Variants in PDE4B observed in about 807,000 individuals in gnomAD.
PDE4B encodes the protein phosphodiesterase 4B, also known as 3',5'-cyclic-AMP phosphodiesterase 4B.
PDE4B carries 20 observed loss-of-function variants against 82.2 expected under a neutral mutation model. The observed-to-expected ratio is 0.24, with a 90% CI of 0.17 to 0.35. The LOEUF (loss-of-function observed/expected upper bound fraction) is 0.35. Among genes scored for constraint, PDE4B ranks in the 10% least tolerant of loss-of-function variants. The pLI is 1.00. For missense variants in PDE4B, 655 were observed against 907.2 expected, an observed-to-expected ratio of 0.72 and a Z score of 3.57; for synonymous variants, 320 against 318.9, an observed-to-expected ratio of 1.00 and a Z score of -0.04.
intron 3 of PDE4B, among the ~76,000 whole-genome samples, chr1:66,237,963 GA>G (rs199751644): frequency 2.6e-5 from 4 of 151,580 alleles, no homozygotes; most frequent in East Asian, 1.9e-4. Context: ...AATAAAAGGG[GA>G]AAAAAAAGAC....
chr1:66,362,140 C>T (rs1337886082), intron 10 of PDE4B, among the ~76,000 whole-genome samples: 1 of 152,054 alleles, frequency 6.6e-6, no homozygotes, highest in Non-Finnish European at 1.5e-5. Flanking sequence ...ATGGACAGTT[C>T]ATTATGAATG....
At chr1:65,801,678 ACT>A (rs2101164404) in intron 1 of PDE4B, among the ~76,000 whole-genome samples, 1 of 152,138 alleles carries the variant, frequency 6.6e-6, no homozygotes, top group Admixed American at 6.5e-5. Context: ...TATTAAGAAA[ACT>A]CTTTCTGTGA....
rs534586206 is a variant in PDE4B at position 66,240,298 on chromosome 1, T to A, written c.282-7162T>A. Reference sequence around the variant, plus strand: ...GTTTATTCATCAGACGTGATAGGCATGGCCCTTAGCACTGGGGTTAAAAAT... The same window carrying A: ...GTTTATTCATCAGACGTGATAGGCAAGGCCCTTAGCACTGGGGTTAAAAAT... On this transcript the variant is annotated intron_variant, in intron 3 of 16. Coordinates refer to ENST00000341517, the MANE Select transcript of PDE4B (RefSeq NM_002600.4). Among the ~76,000 whole-genome samples, 6 of 152,368 alleles carry A rather than the reference T, an allele frequency of 3.9e-5. No individual in the cohort carries two copies. The South Asian group carries it at 1.0e-3, about 26-fold the overall frequency.
intron 3 of PDE4B, among the ~76,000 whole-genome samples, chr1:66,019,543 A>T (rs1338332440): frequency 6.6e-6 from 1 of 151,944 alleles, no homozygotes; most frequent in Non-Finnish European, 1.5e-5. Flanking sequence ...TTTAGCAAAG[A>T]CAGGGTTTCA....
At chr1:65,990,846 T>C (rs1651203647) in intron 3 of PDE4B, among the ~76,000 whole-genome samples, 1 of 152,206 alleles carries the variant, frequency 6.6e-6, no homozygotes, top group Admixed American at 6.5e-5. Context: ...AGTGCAAATC[T>C]AAAATTCTAT....
intron 1 of PDE4B, among the ~76,000 whole-genome samples, chr1:65,898,570 A>G (rs916447429): frequency 1.1e-4 from 16 of 152,282 alleles, no homozygotes; most frequent in Admixed American, 3.9e-4. Context: ...AAACTATACT[A>G]TAAGGCCATA....
At chr1:66,191,181 G>A (rs1394510219) in intron 3 of PDE4B, among the ~76,000 whole-genome samples, 2 of 152,060 alleles carry the variant, frequency 1.3e-5, no homozygotes, top group Non-Finnish European at 2.9e-5. Context: ...ATGAAAAATG[G>A]TATGTATTGT....
At chr1:66,071,330 A>G (rs1478050964) in intron 3 of PDE4B, among the ~76,000 whole-genome samples, 1 of 152,120 alleles carries the variant, frequency 6.6e-6, no homozygotes, top group Non-Finnish European at 1.5e-5. Context: ...ATAATTATAT[A>G]AAGATTAGAT....
At chr1:65,995,668 A>T (rs558578343) in intron 3 of PDE4B, among the ~76,000 whole-genome samples, 2 of 152,280 alleles carry the variant, frequency 1.3e-5, no homozygotes, top group East Asian at 3.9e-4. Context: ...TAAGTACTTT[A>T]TTTTTGCCTC....
chr1:66,202,784 G>A (rs1283160585), intron 3 of PDE4B, among the ~76,000 whole-genome samples: 1 of 152,014 alleles, frequency 6.6e-6, no homozygotes, highest in African/African-American at 2.4e-5. Flanking sequence ...ACACTGATGG[G>A]TCTTGACTCT....
chr1:66,138,960 C>T (rs538659435), intron 3 of PDE4B, among the ~76,000 whole-genome samples: 1 of 152,252 alleles, frequency 6.6e-6, no homozygotes, highest in Admixed American at 6.5e-5. Flanking sequence ...AGCTCTTTGA[C>T]CACCATAAAA....
chr1:66,095,946 A>G (rs563664756), intron 3 of PDE4B, among the ~76,000 whole-genome samples: 60 of 152,006 alleles, frequency 3.9e-4, no homozygotes, highest in African/African-American at 1.2e-3. Flanking sequence ...TGATATTTCA[A>G]TACATATAAT....
intron 1 of PDE4B, among the ~76,000 whole-genome samples, chr1:65,886,110 G>A (rs1045279595): frequency 2.0e-5 from 3 of 151,130 alleles, no homozygotes; most frequent in East Asian, 1.9e-4. Context: ...ATTTTGAAAT[G>A]ACATTTGTAT....
At chr1:66,153,559 G>A (rs866576472) in intron 3 of PDE4B, among the ~76,000 whole-genome samples, 15 of 152,102 alleles carry the variant, frequency 9.9e-5, no homozygotes, top group African/African-American at 3.4e-4. Context: ...CATTCATATG[G>A]CAATCTTTAT....
intron 7 of PDE4B, among the ~76,000 whole-genome samples, chr1:66,276,782 A>G (rs768270407): frequency 6.6e-6 from 1 of 152,194 alleles, no homozygotes; most frequent in Non-Finnish European, 1.5e-5. Flanking sequence ...TGCATAAATA[A>G]ATTCATGACT....
At chr1:65,912,044 GA>G (rs61626726) in intron 1 of PDE4B, among the ~76,000 whole-genome samples, 1 of 151,972 alleles carries the variant, frequency 6.6e-6, no homozygotes, top group African/African-American at 2.4e-5. Context: ...TGGACACAGT[GA>G]AAAAAATATG....
At chr1:65,949,323 T>C (rs1480254491) in intron 3 of PDE4B, among the ~76,000 whole-genome samples, 1 of 152,112 alleles carries the variant, frequency 6.6e-6, no homozygotes, top group Non-Finnish European at 1.5e-5. Context: ...TCTGTGAGCC[T>C]TTTAAGCCCT....
chr1:65,801,355 G>T (rs1645693112), intron 1 of PDE4B, among the ~76,000 whole-genome samples: 1 of 152,132 alleles, frequency 6.6e-6, no homozygotes, highest in South Asian at 2.1e-4. Flanking sequence ...TATTTTGTTA[G>T]ATTATTTGTT....
At chr1:66,050,560 A>G (rs1399060347) in intron 3 of PDE4B, 4 of 152,162 alleles carry the variant, frequency 2.6e-5, no homozygotes, top group Non-Finnish European at 4.4e-5. Context: ...GCAATGCCGT[A>G]TAGACTTTGG....
Sources: allele counts gnomAD v4.1 joint callset (sites outside exome capture counted in the v4.1 genomes callset), GRCh38; gene constraint gnomAD v4.1.1; transcripts MANE v1.5; gene names NCBI Gene and HGNC (gene_info 2026-07-23, HGNC 2026-07-21).